GRIK2: variants seen among roughly 807,000 people sequenced by gnomAD.
The protein encoded by GRIK2 is glutamate ionotropic receptor kainate type subunit 2.
GRIK2 carries 32 observed loss-of-function variants against 100.3 expected under a neutral mutation model. That is an observed-to-expected ratio of 0.32 (90% CI 0.24 to 0.43). GRIK2 has a LOEUF of 0.43. GRIK2 is among the 20% of genes least tolerant of loss of function. GRIK2 has a pLI of 1.00. For synonymous variants in GRIK2, 417 were observed against 389.4 expected, an observed-to-expected ratio of 1.07 and a Z score of -0.83; for missense variants, 843 against 1,114.9, an observed-to-expected ratio of 0.76 and a Z score of 3.47.
At chr6:101,450,864 T>A (rs530760295) in intron 2 of GRIK2, among the ~76,000 whole-genome samples, 2 of 151,860 alleles carry the variant, frequency 1.3e-5, no homozygotes, top group East Asian at 3.9e-4. Context: ...TTTTTGTGTG[T>A]GTTTAGCTCT....
chr6:101,498,013 C>T (rs1364029302), intron 2 of GRIK2, among the ~76,000 whole-genome samples: 2 of 117,388 alleles, frequency 1.7e-5, no homozygotes, highest in Non-Finnish European at 3.5e-5. Context: ...ACTATCCCTC[C>T]CCCCTCCCCC....
At chr6:101,518,278 G>A (rs146483961) in intron 2 of GRIK2, among the ~76,000 whole-genome samples, 1 of 152,094 alleles carries the variant, frequency 6.6e-6, no homozygotes, top group Non-Finnish European at 1.5e-5. Flanking sequence ...TGACACTTCG[G>A]TGTGTGATAA....
intron 2 of GRIK2, among the ~76,000 whole-genome samples, chr6:101,520,139 A>G (rs1417512184): frequency 1.3e-5 from 2 of 149,320 alleles, no homozygotes; most frequent in African/African-American, 2.5e-5. Context: ...ATGATAGTGT[A>G]TGGAATAATC....
intron 2 of GRIK2, among the ~76,000 whole-genome samples, chr6:101,608,140 T>C (rs1779515385): frequency 6.6e-6 from 1 of 151,922 alleles, no homozygotes; most frequent in South Asian, 2.1e-4. Context: ...AATGAAGTGA[T>C]TTGCCTAAGG....
intron 2 of GRIK2, among the ~76,000 whole-genome samples, chr6:101,591,408 C>G (rs2128306677): frequency 6.6e-6 from 1 of 151,936 alleles, no homozygotes; most frequent in East Asian, 1.9e-4. Context: ...TCTGCCAAAT[C>G]ATATCTCAAG....
chr6:101,494,965 A>G (rs1328413385), intron 2 of GRIK2, among the ~76,000 whole-genome samples: 2 of 112,624 alleles, frequency 1.8e-5, no homozygotes, highest in Non-Finnish European at 3.5e-5. Context: ...ATACCTATAT[A>G]TGCATTTATA....
At chr6:101,875,666 GT>G (rs966924363) in intron 11 of GRIK2, among the ~76,000 whole-genome samples, 2 of 151,536 alleles carry the variant, frequency 1.3e-5, no homozygotes, top group African/African-American at 4.8e-5. Context: ...TTGACTCATT[GT>G]TTTTTCCCCT....
At chr6:101,974,311 G>A (rs1793236606) in intron 14 of GRIK2, among the ~76,000 whole-genome samples, 1 of 151,858 alleles carries the variant, frequency 6.6e-6, no homozygotes, top group African/African-American at 2.4e-5. Context: ...AAGATTCTGT[G>A]GAAATTGATC....
At chr6:101,647,652 A>C (rs1781593202) in intron 4 of GRIK2, among the ~76,000 whole-genome samples, 1 of 152,072 alleles carries the variant, frequency 6.6e-6, no homozygotes, top group African/African-American at 2.4e-5. Flanking sequence ...TAATGTCATA[A>C]AAATGTACTT....
chr6:101,663,670 C>A (rs1769803870), intron 4 of GRIK2, among the ~76,000 whole-genome samples: 1 of 152,144 alleles, frequency 6.6e-6, no homozygotes, highest in Admixed American at 6.5e-5. Context: ...ACCATTAAAT[C>A]AAAATATTAC....
At chr6:101,471,241 A>G (rs1429658627) in intron 2 of GRIK2, among the ~76,000 whole-genome samples, 1 of 152,062 alleles carries the variant, frequency 6.6e-6, no homozygotes, top group African/African-American at 2.4e-5. Context: ...TAGTAGCCCT[A>G]TCTATAACGC....
chr6:101,753,736 T>C (rs1438263410), intron 7 of GRIK2, among the ~76,000 whole-genome samples: 1 of 152,092 alleles, frequency 6.6e-6, no homozygotes, highest in Admixed American at 6.5e-5. Context: ...TGATAATTGA[T>C]AGTTTTCCAA....
At chr6:101,536,975 C>A (rs886601671) in intron 2 of GRIK2, among the ~76,000 whole-genome samples, 1 of 150,500 alleles carries the variant, frequency 6.6e-6, no homozygotes, top group African/African-American at 2.4e-5. Context: ...GCTTTTGAAC[C>A]AAGTGGTATG....
At chr6:101,593,497 T>G (rs1284546409) in intron 2 of GRIK2, among the ~76,000 whole-genome samples, 1 of 151,906 alleles carries the variant, frequency 6.6e-6, no homozygotes, top group African/African-American at 2.4e-5. Flanking sequence ...TTCATCTCCA[T>G]TTTTAGATGT....
chr6:101,784,093 C>T (rs1779274268), intron 7 of GRIK2, among the ~76,000 whole-genome samples: 1 of 152,166 alleles, frequency 6.6e-6, no homozygotes, highest in Non-Finnish European at 1.5e-5. Context: ...TAACGAGGAG[C>T]GGAATGTTAC....
intron 7 of GRIK2, among the ~76,000 whole-genome samples, chr6:101,794,944 C>T (rs1419736845): frequency 6.6e-6 from 1 of 151,214 alleles, no homozygotes; most frequent in African/African-American, 2.4e-5. Flanking sequence ...TGGCTGACTG[C>T]AACTTCTGCC....
intron 14 of GRIK2, among the ~76,000 whole-genome samples, chr6:101,990,574 T>G (rs1252992541): frequency 6.6e-6 from 1 of 151,590 alleles, no homozygotes; most frequent in Admixed American, 6.6e-5. Context: ...AGACAGAACA[T>G]GCTATGAAAA....
chr6:101,414,945 TG>T (rs1776052679), intron 2 of GRIK2, among the ~76,000 whole-genome samples: 1 of 68,358 alleles, frequency 1.5e-5, no homozygotes, highest in Non-Finnish European at 3.1e-5. Context: ...TAAACTTGTG[TG>T]TGTGTGTGTG....
At chr6:101,799,564 C>T in intron 7 of GRIK2, 84 bp from the exon 8 acceptor site, 2 of 1,020,948 alleles carry the variant, frequency 2.0e-6, no homozygotes, top group Non-Finnish European at 3.1e-6. Context: ...TCCCTTACCT[C>T]TTCCCTCTTC....
Sources: gnomAD v4.1 joint callset for allele counts (sites outside exome capture counted in the v4.1 genomes callset) on GRCh38, gnomAD v4.1.1 for gene constraint, MANE v1.5 for transcripts, NCBI Gene and HGNC (gene_info 2026-07-23, HGNC 2026-07-21) for gene names.